The following GPHN variants were observed in gnomAD, a reference collection of about 807,000 sequenced individuals.
GPHN encodes the protein gephyrin.
GPHN carries 17 observed loss-of-function variants against 95.5 expected under a neutral mutation model. The observed-to-expected ratio is 0.18, with a 90% CI of 0.12 to 0.27. GPHN has a LOEUF of 0.27. GPHN is among the 10% of genes least tolerant of loss of function. The pLI, the probability that GPHN is intolerant of heterozygous loss-of-function variation, is 1.00. For synonymous variants in GPHN, 320 were observed against 322.5 expected (o/e 0.99, Z 0.08); for missense variants, 660 against 978.1 (o/e 0.67, Z 4.34).
intron 4 of GPHN, among the ~76,000 whole-genome samples, chr14:66,858,860 C>T (rs2062907280): frequency 6.6e-6 from 1 of 152,026 alleles, no homozygotes; most frequent in Non-Finnish European, 1.5e-5. Flanking sequence ...TCAGTGTTAG[C>T]CTGACAGTAC....
At chr14:66,842,018 A>G (rs1029088312) in intron 4 of GPHN, among the ~76,000 whole-genome samples, 2 of 151,826 alleles carry the variant, frequency 1.3e-5, no homozygotes, top group South Asian at 2.1e-4. Flanking sequence ...GCACCACTGC[A>G]CTCCAGCCTG....
the GPHN span, among the ~76,000 whole-genome samples, chr14:67,490,823 G>GA: frequency 5.9e-5 from 9 of 151,586 alleles, no homozygotes; most frequent in African/African-American, 2.2e-4. Flanking sequence ...CCCTGTAAAG[G>GA]AAAAAAAGTT....
the GPHN span, chr14:67,593,873 T>G: frequency 3.1e-6 from 5 of 1,612,954 alleles, no homozygotes; most frequent in African/African-American, 6.7e-5. Flanking sequence ...CAGAGTCTCC[T>G]GATCAATCTT....
At chr14:67,512,179 C>T in the GPHN span, among the ~76,000 whole-genome samples, 3 of 152,222 alleles carry the variant, frequency 2.0e-5, no homozygotes, top group African/African-American at 7.2e-5. Context: ...TGCATTCTCA[C>T]ACACCACAGC....
chr14:66,535,848 T>C (rs2059124271), intron 1 of GPHN, among the ~76,000 whole-genome samples: 1 of 152,086 alleles, frequency 6.6e-6, no homozygotes, highest in Non-Finnish European at 1.5e-5. Context: ...TAATATTTTA[T>C]AGATTTTTTG....
chr14:66,719,054 G>T (rs1028871116), intron 2 of GPHN, among the ~76,000 whole-genome samples: 1 of 152,146 alleles, frequency 6.6e-6, no homozygotes, highest in South Asian at 2.1e-4. Context: ...CTCCCACCAT[G>T]CCCCTGCTAG....
the GPHN span, among the ~76,000 whole-genome samples, chr14:67,306,455 T>C: frequency 6.6e-6 from 1 of 152,092 alleles, no homozygotes; most frequent in South Asian, 2.1e-4. Flanking sequence ...AGCATTCTCC[T>C]GACTCAGCCT....
At chr14:67,722,668 C>T in the GPHN span, 4 of 1,613,606 alleles carry the variant, frequency 2.5e-6, no homozygotes, top group Non-Finnish European at 3.4e-6. Flanking sequence ...GGACTGCTCA[C>T]CTCCTTCTTC....
the GPHN span, among the ~76,000 whole-genome samples, chr14:67,503,858 C>G: frequency 3.3e-5 from 5 of 151,416 alleles, no homozygotes; most frequent in Non-Finnish European, 7.4e-5. Flanking sequence ...TGCTCACCAC[C>G]ATGCCTGGTT....
intron 11 of GPHN, 127 bp downstream of exon 11, chr14:67,058,913 C>G (rs1280349478): frequency 3.5e-6 from 3 of 856,634 alleles, no homozygotes; most frequent in South Asian, 1.5e-5. Flanking sequence ...TATCATCATT[C>G]TTTTTTTTTC....
chr14:67,357,989 A>G, the GPHN span, among the ~76,000 whole-genome samples: 1 of 152,212 alleles, frequency 6.6e-6, no homozygotes, highest in Non-Finnish European at 1.5e-5. Flanking sequence ...CCTGTTTCGT[A>G]AATGCTCTAA....
At chr14:67,023,696 G>C in intron 10 of GPHN, 21 bp downstream of exon 10, 1 of 1,600,020 alleles carries the variant, frequency 6.2e-7, no homozygotes, top group Non-Finnish European at 8.6e-7. Flanking sequence ...TACCATTTCT[G>C]GTGGGCTGCT....
At chr14:67,195,909 G>A in the GPHN span, among the ~76,000 whole-genome samples, 1 of 152,048 alleles carries the variant, frequency 6.6e-6, no homozygotes, top group Non-Finnish European at 1.5e-5. Context: ...GAGGCCTTTA[G>A]AAGTAGCTGA....
chr14:66,537,319 T>G (rs2059178791), intron 1 of GPHN, among the ~76,000 whole-genome samples: 1 of 152,186 alleles, frequency 6.6e-6, no homozygotes, highest in African/African-American at 2.4e-5. Flanking sequence ...TTTGGGTGTT[T>G]AAATTTCTTT....
intron 8 of GPHN, among the ~76,000 whole-genome samples, chr14:66,958,890 C>T (rs886782565): frequency 6.6e-6 from 1 of 151,990 alleles, no homozygotes; most frequent in Non-Finnish European, 1.5e-5. Flanking sequence ...TATATAATAT[C>T]ATTTTTGTTT....
the GPHN span, chr14:67,446,169 C>T: frequency 2.9e-5 from 12 of 408,684 alleles, no homozygotes; most frequent in Non-Finnish European, 4.7e-5. Context: ...CTGATGCACT[C>T]GGCGCCTTTG....
chr14:67,263,156 G>A, the GPHN span, among the ~76,000 whole-genome samples: 3 of 152,054 alleles, frequency 2.0e-5, no homozygotes, highest in East Asian at 3.9e-4. Flanking sequence ...GAGCAAATAG[G>A]GAATTTTCTG....
chr14:66,848,461 G>T (rs2062429288), intron 4 of GPHN, among the ~76,000 whole-genome samples: 1 of 152,050 alleles, frequency 6.6e-6, no homozygotes, highest in African/African-American at 2.4e-5. Flanking sequence ...TTCTCATGAA[G>T]GTTAGTAACT....
chr14:67,235,729 T>C, the GPHN span, among the ~76,000 whole-genome samples: 3 of 151,808 alleles, frequency 2.0e-5, no homozygotes, highest in Admixed American at 6.6e-5. Context: ...AAAAAAAAAT[T>C]CTCATAGACC....
Sources: allele counts gnomAD v4.1 joint callset (sites outside exome capture counted in the v4.1 genomes callset), GRCh38; gene constraint gnomAD v4.1.1; transcripts MANE v1.5; gene names NCBI Gene and HGNC (gene_info 2026-07-23, HGNC 2026-07-21).